Variants in LRRC74B observed in about 807,000 individuals in gnomAD.
The protein encoded by LRRC74B is leucine-rich repeat-containing protein 74B.
In LRRC74B, 30 loss-of-function variants were observed where a neutral mutation model predicts 16.6. That is an observed-to-expected ratio of 1.80 (90% CI 1.35 to 2.45). The LOEUF is 2.45. Ranked by LOEUF, LRRC74B falls within the 30% of genes most tolerant of loss-of-function variation. The pLI is 0.00. For synonymous variants in LRRC74B, 134 were observed against 86.0 expected (o/e 1.56, Z -3.09); for missense variants, 326 against 202.4 (o/e 1.61, Z -3.71).
Position 21,046,134 on chromosome 22 carries a change from G to C in LRRC74B, c.139+9G>C, listed in dbSNP as rs1929403240. On this transcript the variant is annotated intron_variant, in intron 1 of 8. Coordinates refer to ENST00000442047, the Ensembl canonical transcript of LRRC74B. ...CGACCTGGAGACGGAAGGTGCTCGG[G>C]GGAGGGGGCAGGCCCGACTCCTCCC... The C allele has an allele frequency of 1.4e-6, 1 of 716,230 alleles. No individual in the cohort carries two copies. Among genetic ancestry groups the C allele is most frequent in the Non-Finnish European group, 2.6e-6 (1 of 385,046 alleles). The allele number at this position is 716,230 out of a possible 1,614,324, so 44.4% of individuals were successfully genotyped here. A position where few individuals can be genotyped will look rare whatever the true frequency, so the allele number is the denominator to read the frequency against.
intron 1 of LRRC74B, among the ~76,000 whole-genome samples, chr22:21,047,149 T>A (rs1160239752): frequency 6.6e-6 from 1 of 152,114 alleles, no homozygotes; most frequent in Non-Finnish European, 1.5e-5. Context: ...CCAGCTTTCT[T>A]TTGATAGCCG....
downstream of LRRC74B, chr22:21,062,820 G>A (rs985961952): frequency 6.6e-6 from 1 of 151,868 alleles, no homozygotes; most frequent in African/African-American, 2.4e-5. Context: ...TTGAAGCCAG[G>A]AGTTCCAGAC....
chr22:21,047,945 G>A (rs1421849948), exon 3 of LRRC74B: 7 of 717,276 alleles, frequency 9.8e-6, no homozygotes, highest in African/African-American at 3.5e-5. Context: ...CTGGACCTTC[G>A]AGACAATGGG....
chr22:21,056,215 T>C (rs1930508397), intron 7 of LRRC74B, among the ~76,000 whole-genome samples: 2 of 152,318 alleles, frequency 1.3e-5, no homozygotes, highest in South Asian at 2.1e-4. Flanking sequence ...CATCATGTCA[T>C]GCGGAGCTAG....
intron 4 of LRRC74B, among the ~76,000 whole-genome samples, chr22:21,049,833 A>G (rs1322373616): frequency 5.3e-5 from 8 of 152,102 alleles, no homozygotes; most frequent in Non-Finnish European, 1.0e-4. Flanking sequence ...CATCACTGTC[A>G]TGCCCCTGAG....
At chr22:21,054,840 C>T (rs948913832) in intron 6 of LRRC74B, among the ~76,000 whole-genome samples, 4 of 152,332 alleles carry the variant, frequency 2.6e-5, no homozygotes, top group African/African-American at 4.8e-5. Context: ...GGAGCACTTG[C>T]AGAGCTCAGA....
chr22:21,063,831 C>T (rs1930920557), downstream of LRRC74B: 1 of 152,020 alleles, frequency 6.6e-6, no homozygotes, highest in Non-Finnish European at 1.5e-5. Context: ...AAAAATTAGC[C>T]AGGTATGGTG....
intron 7 of LRRC74B, among the ~76,000 whole-genome samples, chr22:21,056,265 G>C (rs1044321373): frequency 6.6e-6 from 1 of 152,206 alleles, no homozygotes; most frequent in Non-Finnish European, 1.5e-5. Flanking sequence ...ACTTCGGGAG[G>C]CTGAGGCAGG....
At chr22:21,049,006 C>G in exon 4 of LRRC74B, 1 of 715,990 alleles carries the variant, frequency 1.4e-6, no homozygotes, top group Non-Finnish European at 2.6e-6. Flanking sequence ...CCCTCTGTGC[C>G]GCCCTCACAG....
downstream of LRRC74B, chr22:21,062,027 GA>G (rs1401462855): frequency 3.9e-5 from 6 of 152,144 alleles, no homozygotes; most frequent in Admixed American, 3.9e-4. Flanking sequence ...AAACTGTTTC[GA>G]AAAGAAGGAA....
At chr22:21,051,260 T>C (rs1276735770) in intron 4 of LRRC74B, among the ~76,000 whole-genome samples, 1 of 152,206 alleles carries the variant, frequency 6.6e-6, no homozygotes, top group Non-Finnish European at 1.5e-5. Context: ...CTGCAGGCGC[T>C]TTCTTGTGTG....
chr22:21,056,725 G>A lies in LRRC74B; in HGVS notation c.928-380G>A, dbSNP rs190874731. 3.6e-5 allele frequency: 8 copies of A among 222,292 alleles called. No homozygotes were observed. In the East Asian group the frequency reaches 8.6e-4, roughly 24 times the overall value. 13.8% of individuals were successfully genotyped at this position (222,292 alleles called of 1,614,324 possible). A position where few individuals can be genotyped will look rare whatever the true frequency, so the allele number is the denominator to read the frequency against. ...CCGGCCACCTCACCTGGGAAGCTCC[G>A]CTGAGCCCTGCCCAGATACACCTCC... On this transcript the variant is annotated intron_variant, in intron 7 of 8. Coordinates refer to ENST00000442047, the Ensembl canonical transcript of LRRC74B.
chr22:21,060,885 T>G (rs577282729), downstream of LRRC74B, among the ~76,000 whole-genome samples: 6 of 152,274 alleles, frequency 3.9e-5, no homozygotes, highest in African/African-American at 1.4e-4. Context: ...ACACTCTACT[T>G]TTGAGAATGC....
chr22:21,056,010 A>C (rs1930494712), intron 7 of LRRC74B, among the ~76,000 whole-genome samples: 2 of 148,850 alleles, frequency 1.3e-5, no homozygotes, highest in African/African-American at 2.5e-5. Context: ...CCTTTTCCAC[A>C]CCCTCCCTCC....
exon 1 of LRRC74B, chr22:21,045,998 C>T (rs1221949601): frequency 1.4e-6 from 1 of 717,434 alleles, no homozygotes; most frequent in Admixed American, 2.0e-5. Flanking sequence ...TGAGGGGTTC[C>T]TGTGAGAGGT....
intron 1 of LRRC74B, among the ~76,000 whole-genome samples, chr22:21,046,530 CCA>C (rs1929450820): frequency 6.6e-6 from 1 of 152,168 alleles, no homozygotes; most frequent in Admixed American, 6.5e-5. Flanking sequence ...GGATTAGCTA[CCA>C]CCACTAGCTG....
At chr22:21,050,778 A>AAC (rs1929966055) in intron 4 of LRRC74B, among the ~76,000 whole-genome samples, 1 of 23,964 alleles carries the variant, frequency 4.2e-5, no homozygotes, top group Non-Finnish European at 1.5e-4. Flanking sequence ...ACTCTGTCTC[A>AAC]AAAAAAAAAA....
chr22:21,051,433 C>T (rs984615657), intron 4 of LRRC74B, among the ~76,000 whole-genome samples: 7 of 152,108 alleles, frequency 4.6e-5, no homozygotes, highest in African/African-American at 1.4e-4. Context: ...CCTCCTGAGT[C>T]GCTGGGACCA....
intron 7 of LRRC74B, 103 bp downstream of exon 7, chr22:21,055,279 G>A (rs1601819708): frequency 6.0e-6 from 4 of 663,216 alleles, no homozygotes; most frequent in Middle Eastern, 4.8e-4. Flanking sequence ...GCAGGCAGGT[G>A]CACACAGGCT....
Sources: allele counts gnomAD v4.1 joint callset (sites outside exome capture counted in the v4.1 genomes callset), GRCh38; gene constraint gnomAD v4.1.1; transcripts MANE v1.5; gene names NCBI Gene and HGNC (gene_info 2026-07-23, HGNC 2026-07-21).